Variants in ABLIM3 observed in about 807,000 individuals in gnomAD.
The protein encoded by ABLIM3 is actin binding LIM protein family member 3, also known as actin-binding LIM protein 3.
In ABLIM3, 61 loss-of-function variants were observed where a neutral mutation model predicts 109.5. The observed-to-expected ratio is 0.56, with a 90% confidence interval of 0.45 to 0.69. The LOEUF (loss-of-function observed/expected upper bound fraction) is 0.69, where lower values mean the gene tolerates loss of function less well. Ranked by LOEUF, ABLIM3 falls within the 30% of genes least tolerant of loss-of-function variation. The probability of loss-of-function intolerance (pLI) is 0.00; values close to 1 mark genes in which losing one functional copy is unlikely to be tolerated. For synonymous variants in ABLIM3, 300 were observed against 324.8 expected, an observed-to-expected ratio of 0.92 and a Z score of 0.82; for missense variants, 796 against 889.5, an observed-to-expected ratio of 0.89 and a Z score of 1.34.
intron 2 of ABLIM3, among the ~76,000 whole-genome samples, chr5:149,143,029 C>T (rs1266614766): frequency 2.0e-5 from 3 of 152,078 alleles, no homozygotes; most frequent in African/African-American, 7.2e-5. Flanking sequence ...CTCTCTGCAT[C>T]TCAGACTGCT....
At chr5:149,170,891 C>T (rs528152501) in intron 2 of ABLIM3, among the ~76,000 whole-genome samples, 23 of 152,138 alleles carry the variant, frequency 1.5e-4, no homozygotes, top group Non-Finnish European at 1.3e-4. Context: ...TTCTTGGTTA[C>T]TTATTATGTC....
At position 149,259,133 on chromosome 5, in the gene ABLIM3, C is replaced by T; in HGVS notation, c.*729C>T. On this transcript the variant is annotated 3_prime_UTR_variant, in exon 24 of 24. Coordinates refer to ENST00000309868, the MANE Select transcript of ABLIM3 (RefSeq NM_014945.5). Reference sequence around the variant, plus strand: ...CTTCCAACTGGCCCCTTTGCCTGACCTGGACTTGGAGAACCAGAGGAAAAG... The same window carrying T: ...CTTCCAACTGGCCCCTTTGCCTGACTTGGACTTGGAGAACCAGAGGAAAAG... 9.8e-7 allele frequency: 1 copy of T among 1,016,408 alleles called. No homozygotes were observed. Among genetic ancestry groups the T allele is most frequent in the Non-Finnish European group, 1.2e-6 (1 of 849,364 alleles). The allele number at this position is 1,016,408 out of a possible 1,614,324, so 63.0% of individuals were successfully genotyped here.
intron 15 of ABLIM3, among the ~76,000 whole-genome samples, chr5:149,242,984 G>A (rs1753009273): frequency 6.6e-6 from 1 of 152,198 alleles, no homozygotes; most frequent in African/African-American, 2.4e-5. Flanking sequence ...CTGATACTCA[G>A]CCCAACTTGG....
chr5:149,196,757 T>TTTA (rs905059878), intron 3 of ABLIM3, among the ~76,000 whole-genome samples: 28 of 152,238 alleles, frequency 1.8e-4, no homozygotes, highest in African/African-American at 6.8e-4. Flanking sequence ...CTGTGAGCCA[T>TTTA]TTATTGCCTT....
intron 13 of ABLIM3, 92 bp downstream of exon 13, chr5:149,239,980 C>G: frequency 8.9e-6 from 13 of 1,460,306 alleles, no homozygotes; most frequent in Non-Finnish European, 1.2e-5. Context: ...CAAGGCTCCC[C>G]CATGATCTCC....
intron 23 of ABLIM3, among the ~76,000 whole-genome samples, chr5:149,253,982 T>C (rs1227273300): frequency 2.0e-5 from 3 of 152,146 alleles, no homozygotes; most frequent in Non-Finnish European, 4.4e-5. Context: ...AAGTCACATC[T>C]TACATGGCAG....
In ABLIM3 at chr5:149,192,924, G is replaced by C. The variant is rs188693489; in HGVS notation, c.152-5295G>C. 4.6e-5 allele frequency among the ~76,000 whole-genome samples: 7 copies of C among 152,134 alleles called. No individual in the cohort carries two copies. In the East Asian group the frequency reaches 1.4e-3, roughly 29 times the overall value. ...AGAACAAGTTAATCAACACCATAGG[G>C]ATACAATCAGCAAAATCCAAACTGC... On this transcript the variant is annotated intron_variant, in intron 3 of 23. Transcript: ENST00000309868.
At chr5:149,184,231 C>T (rs1312305688) in intron 3 of ABLIM3, among the ~76,000 whole-genome samples, 1 of 152,014 alleles carries the variant, frequency 6.6e-6, no homozygotes, top group East Asian at 1.9e-4. Flanking sequence ...CACAGAGAGC[C>T]CTCTGGCCCG....
chr5:149,250,562 C>T, intron 20 of ABLIM3, 57 bp downstream of exon 20: 1 of 1,580,994 alleles, frequency 6.3e-7, no homozygotes, highest in Non-Finnish European at 8.7e-7. Context: ...GCTAATAAAC[C>T]CAACATTAGC....
At chr5:149,251,441 G>A (rs770507836) in intron 21 of ABLIM3, 22 bp downstream of exon 21, 2 of 1,612,614 alleles carry the variant, frequency 1.2e-6, no homozygotes, top group Non-Finnish European at 1.7e-6. Flanking sequence ...CCTGCAGGGG[G>A]TCTGCAGGGA....
intron 2 of ABLIM3, chr5:149,164,093 A>C (rs1014039732): frequency 1.3e-5 from 2 of 152,166 alleles, no homozygotes; most frequent in African/African-American, 4.8e-5. Flanking sequence ...TTGCATAACC[A>C]TTTGACGGGT....
chr5:149,170,810 T>C (rs1319226798), intron 2 of ABLIM3, among the ~76,000 whole-genome samples: 1 of 152,240 alleles, frequency 6.6e-6, no homozygotes, highest in East Asian at 1.9e-4. Context: ...TAAATTCTCT[T>C]ATCTCAAAGA....
chr5:149,243,873 A>T lies in ABLIM3; in HGVS notation c.1352-1008A>T, dbSNP rs369943333. On this transcript the variant is annotated intron_variant, in intron 15 of 23. Coordinates refer to ENST00000309868, the MANE Select transcript of ABLIM3 (RefSeq NM_014945.5). ...TTGCTTGGAAAAGAGGGCGGAGGAAAAAGCTAAATGCAGTCAGCCAGGAGG... is the reference window on the plus strand; with the variant it reads ...TTGCTTGGAAAAGAGGGCGGAGGAATAAGCTAAATGCAGTCAGCCAGGAGG... The T allele has an allele frequency of 5.9e-5, 9 of 152,404 alleles. No homozygotes were observed. The East Asian group carries it at 1.3e-3, about 23-fold the overall frequency. 9.4% of individuals were successfully genotyped at this position (152,404 alleles called of 1,614,324 possible).
chr5:149,186,424 A>T (rs1245816149), intron 3 of ABLIM3, among the ~76,000 whole-genome samples: 1 of 152,164 alleles, frequency 6.6e-6, no homozygotes, highest in Non-Finnish European at 1.5e-5. Context: ...AAGAAAAAAA[A>T]AATTATGAAA....
chr5:149,200,733 G>A, intron 5 of ABLIM3: 1 of 353,330 alleles, frequency 2.8e-6, no homozygotes, highest in South Asian at 5.0e-5. Flanking sequence ...GCCTCAATAG[G>A]GCTGATCAAG....
chr5:149,242,408 G>T, intron 14 of ABLIM3, 83 bp from the exon 15 acceptor site: 2 of 1,413,424 alleles, frequency 1.4e-6, no homozygotes, highest in South Asian at 2.3e-5. Flanking sequence ...GAGATCAACT[G>T]ACCAAGTACT....
At chr5:149,144,641 G>A (rs1752760770) in intron 2 of ABLIM3, among the ~76,000 whole-genome samples, 1 of 152,202 alleles carries the variant, frequency 6.6e-6, no homozygotes, top group Admixed American at 6.5e-5. Flanking sequence ...CAACCTGTGA[G>A]ATGGGTGTTT....
intron 2 of ABLIM3, among the ~76,000 whole-genome samples, chr5:149,145,223 A>G (rs1232629629): frequency 1.3e-5 from 2 of 152,146 alleles, no homozygotes; most frequent in Non-Finnish European, 2.9e-5. Context: ...GCTCCCACTT[A>G]TAAGTGAGAA....
intron 8 of ABLIM3, among the ~76,000 whole-genome samples, chr5:149,227,370 TG>T (rs1761413633): frequency 6.6e-6 from 1 of 152,164 alleles, no homozygotes; most frequent in African/African-American, 2.4e-5. Flanking sequence ...CCTGGAATTG[TG>T]GGTGACAATC....
Sources: allele counts gnomAD v4.1 joint callset (sites outside exome capture counted in the v4.1 genomes callset), GRCh38; gene constraint gnomAD v4.1.1; transcripts MANE v1.5; gene names NCBI Gene and HGNC (gene_info 2026-07-23, HGNC 2026-07-21).